DYNC1I1: variants seen among roughly 807,000 people sequenced by gnomAD.
DYNC1I1 encodes the protein cytoplasmic dynein 1 intermediate chain 1.
A neutral mutation model predicts 86.6 loss-of-function variants in DYNC1I1; 43 were observed. The ratio of observed to expected loss-of-function variants is 0.50; its 90% CI spans 0.39 to 0.64. DYNC1I1 has a LOEUF of 0.64. DYNC1I1 is among the 30% of genes least tolerant of loss of function. DYNC1I1 has a pLI of 0.00. For missense variants in DYNC1I1, 604 were observed against 788.8 expected, an observed-to-expected ratio of 0.77 and a Z score of 2.81; for synonymous variants, 262 against 283.7, an observed-to-expected ratio of 0.92 and a Z score of 0.77.
At chr7:95,779,618 G>A (rs945718201) in intron 1 of DYNC1I1, among the ~76,000 whole-genome samples, 8 of 152,050 alleles carry the variant, frequency 5.3e-5, no homozygotes, top group South Asian at 2.1e-4. Context: ...ATTGACGTTC[G>A]TATTTCTCCT....
rs368141747 is a variant in DYNC1I1, at chr7:95,955,562, G to A, written c.491-21950G>A. Among the ~76,000 whole-genome samples the A allele has an allele frequency of 3.6e-3, 546 of 152,170 alleles. 9 individuals carry two copies. The highest frequency in any genetic ancestry group is 0.012 in the African/African-American group (518 of 41,514). ...CTGGTTTTCAAACTCCTGGCCTCGA[G>A]CAATCCTCCTGACCCAGCCTCCTAA... On this transcript the variant is annotated intron_variant, in intron 6 of 16. Transcript: ENST00000447467.
At chr7:95,877,393 A>G (rs1347021148) in intron 6 of DYNC1I1, among the ~76,000 whole-genome samples, 1 of 152,180 alleles carries the variant, frequency 6.6e-6, no homozygotes, top group African/African-American at 2.4e-5. Flanking sequence ...ACCAGAAGCA[A>G]TAGCAGTACC....
At chr7:96,043,238 CAT>C (rs1789111988) in intron 14 of DYNC1I1, among the ~76,000 whole-genome samples, 1 of 150,898 alleles carries the variant, frequency 6.6e-6, no homozygotes, top group South Asian at 2.1e-4. Flanking sequence ...TTGCAAACAC[CAT>C]AATCTAGGCA....
intron 14 of DYNC1I1, among the ~76,000 whole-genome samples, chr7:96,047,389 G>A (rs769046527): frequency 1.3e-5 from 2 of 152,192 alleles, no homozygotes; most frequent in Non-Finnish European, 2.9e-5. Flanking sequence ...CATTATAATA[G>A]AACATGAATT....
intron 6 of DYNC1I1, among the ~76,000 whole-genome samples, chr7:95,914,734 G>C (rs1791423912): frequency 6.6e-6 from 1 of 152,170 alleles, no homozygotes. Context: ...ATTGGCATTT[G>C]CATTAATTCA....
intron 6 of DYNC1I1, among the ~76,000 whole-genome samples, chr7:95,923,799 T>C (rs925770764): frequency 2.0e-5 from 3 of 152,182 alleles, no homozygotes; most frequent in Admixed American, 6.5e-5. Context: ...AACATCATTG[T>C]ACAAATGGCA....
intron 5 of DYNC1I1, among the ~76,000 whole-genome samples, chr7:95,860,950 TA>T (rs1446491997): frequency 3.3e-5 from 5 of 152,214 alleles, no homozygotes; most frequent in African/African-American, 1.2e-4. Flanking sequence ...GTTTTCAATA[TA>T]AATTTGAAAC....
At chr7:95,953,355 G>A (rs1019791392) in intron 6 of DYNC1I1, among the ~76,000 whole-genome samples, 1 of 151,760 alleles carries the variant, frequency 6.6e-6, no homozygotes, top group African/African-American at 2.4e-5. Flanking sequence ...TTATGTGAGT[G>A]GAACAGCATT....
chr7:95,834,860 C>T (rs574737738), intron 5 of DYNC1I1, among the ~76,000 whole-genome samples: 1 of 151,184 alleles, frequency 6.6e-6, no homozygotes, highest in African/African-American at 2.4e-5. Flanking sequence ...ATTCTTCTCT[C>T]TTTTTTTCTT....
chr7:95,839,835 G>A (rs1789230272), intron 5 of DYNC1I1, among the ~76,000 whole-genome samples: 1 of 151,638 alleles, frequency 6.6e-6, no homozygotes, highest in African/African-American at 2.4e-5. Flanking sequence ...AGGTTTGCCT[G>A]GTATTGTATT....
At chr7:96,048,981 C>T (rs1338922396) in intron 14 of DYNC1I1, among the ~76,000 whole-genome samples, 4 of 152,074 alleles carry the variant, frequency 2.6e-5, no homozygotes, top group Non-Finnish European at 4.4e-5. Context: ...AATCACAGGC[C>T]GGGCACAGTG....
intron 6 of DYNC1I1, among the ~76,000 whole-genome samples, chr7:95,932,558 C>T (rs1472665744): frequency 1.3e-5 from 2 of 152,068 alleles, no homozygotes; most frequent in Admixed American, 6.6e-5. Flanking sequence ...AGCTTGACCC[C>T]GCCTGAGAAA....
At chr7:95,997,582 CTTGTGTGTGTGTGTGT>C (rs1395490526) in intron 10 of DYNC1I1, among the ~76,000 whole-genome samples, 1 of 117,144 alleles carries the variant, frequency 8.5e-6, no homozygotes, top group Non-Finnish European at 1.7e-5. Flanking sequence ...AAAGGGCATT[CTTGTGTGTGTGTGTGT>C]GTGTGTGTGT....
intron 5 of DYNC1I1, among the ~76,000 whole-genome samples, chr7:95,864,178 C>T (rs1194189152): frequency 6.6e-6 from 1 of 152,104 alleles, no homozygotes; most frequent in Non-Finnish European, 1.5e-5. Flanking sequence ...CCATGCTAAC[C>T]TTATTGTGAG....
intron 6 of DYNC1I1, among the ~76,000 whole-genome samples, chr7:95,908,202 A>C (rs1791227005): frequency 6.6e-6 from 1 of 152,174 alleles, no homozygotes; most frequent in Non-Finnish European, 1.5e-5. Context: ...AGTTTAATAA[A>C]AATGTATCTA....
At chr7:95,997,023 T>A (rs534947961) in intron 10 of DYNC1I1, among the ~76,000 whole-genome samples, 4 of 152,182 alleles carry the variant, frequency 2.6e-5, no homozygotes, top group Non-Finnish European at 5.9e-5. Context: ...TAGAGCATTA[T>A]CAGATATAAT....
intron 6 of DYNC1I1, among the ~76,000 whole-genome samples, chr7:95,949,331 T>G (rs370694229): frequency 9.0e-4 from 137 of 152,314 alleles, no homozygotes; most frequent in African/African-American, 3.1e-3. Context: ...CCCATGCAAG[T>G]GCACTCATCC....
chr7:96,027,484 A>G (rs775210285), intron 10 of DYNC1I1, among the ~76,000 whole-genome samples: 7 of 152,172 alleles, frequency 4.6e-5, no homozygotes, highest in Non-Finnish European at 8.8e-5. Context: ...GTGACAGACT[A>G]TGACAGACCA....
intron 2 of DYNC1I1, among the ~76,000 whole-genome samples, chr7:95,809,415 T>C (rs1794776856): frequency 6.6e-6 from 1 of 152,194 alleles, no homozygotes; most frequent in South Asian, 2.1e-4. Flanking sequence ...GAAATGTTTT[T>C]TGACAGGCTT....
Sources: gnomAD v4.1 joint callset for allele counts (sites outside exome capture counted in the v4.1 genomes callset) on GRCh38, gnomAD v4.1.1 for gene constraint, MANE v1.5 for transcripts, NCBI Gene and HGNC (gene_info 2026-07-23, HGNC 2026-07-21) for gene names.